The following SUPT20H variants were observed in gnomAD, a reference collection of about 807,000 sequenced individuals.
The protein encoded by SUPT20H is transcription factor SPT20 homolog.
A neutral mutation model predicts 122.8 loss-of-function variants in SUPT20H; 82 were observed. The observed-to-expected ratio is 0.67, with a 90% CI of 0.56 to 0.80. The LOEUF (loss-of-function observed/expected upper bound fraction) is 0.80, where lower values mean the gene tolerates loss of function less well. SUPT20H is among the 30% of genes least tolerant of loss of function. The probability of loss-of-function intolerance (pLI) is 0.00; values close to 1 mark genes in which losing one functional copy is unlikely to be tolerated. For missense variants in SUPT20H, 831 were observed against 921.6 expected, an observed-to-expected ratio of 0.90 and a Z score of 1.27; for synonymous variants, 291 against 313.0, an observed-to-expected ratio of 0.93 and a Z score of 0.74.
chr13:37,050,487 C>G (rs982020430), intron 2 of SUPT20H, among the ~76,000 whole-genome samples: 1 of 151,904 alleles, frequency 6.6e-6, no homozygotes, highest in Non-Finnish European at 1.5e-5. Flanking sequence ...TACATATACA[C>G]TTCACAAATA....
intron 21 of SUPT20H, among the ~76,000 whole-genome samples, chr13:37,020,624 A>T (rs889491226): frequency 6.6e-6 from 1 of 152,206 alleles, no homozygotes. Context: ...TGCTTATTAA[A>T]ATAAGAACAC....
In SUPT20H at chr13:37,031,925, G is replaced by A. The variant is rs192256326; in HGVS notation, c.708-30C>T. 77 of 1,542,170 alleles carry A rather than the reference G, an allele frequency of 5.0e-5. No individual in the cohort carries two copies. The African/African-American group carries it at 1.1e-3, about 21-fold the overall frequency. The stretch of plus-strand genomic sequence containing the variant: ...AATATTAAGAAATTTGAACTAAACG[G>A]CACTAATAAAAGAAACTCATAATAT... On this transcript the variant is annotated intron_variant, in intron 10 of 25. Transcript: ENST00000350612.
intron 10 of SUPT20H, 95 bp from the exon 11 acceptor site, chr13:37,031,990 C>T (rs897238386): frequency 1.3e-5 from 15 of 1,157,462 alleles, no homozygotes; most frequent in African/African-American, 6.4e-5. Context: ...ATGTACAAAT[C>T]GTGTTTATAG....
At chr13:37,019,264 G>A (rs912211876) in intron 22 of SUPT20H, 78 bp downstream of exon 22, 2 of 1,053,510 alleles carry the variant, frequency 1.9e-6, no homozygotes, top group Admixed American at 2.5e-5. Context: ...TTCAAGTGCT[G>A]ATACATATAG....
Position 37,042,510 on chromosome 13 carries a change from C to T in SUPT20H, c.396+1568G>A, listed in dbSNP as rs538592499. Among the ~76,000 whole-genome samples, 11 of 152,020 alleles carry T rather than the reference C, an allele frequency of 7.2e-5. No homozygotes were observed. The South Asian group carries it at 2.1e-3, about 29-fold the overall frequency. Reference sequence around the variant, plus strand: ...GAACAGGGATTATAGTAAAAAAGACCGAAGGATTAGAGAAAGCAGAGGAAA... The same window carrying T: ...GAACAGGGATTATAGTAAAAAAGACTGAAGGATTAGAGAAAGCAGAGGAAA... On this transcript the variant is annotated intron_variant, in intron 7 of 25. Transcript: ENST00000350612.
rs2059294449 is a variant in SUPT20H, at chr13:37,009,919, G to A, written c.2203-110C>T. 8 of 1,455,532 alleles carry A rather than the reference G, an allele frequency of 5.5e-6. No homozygotes were observed. In the Admixed American group the frequency reaches 1.8e-4, roughly 33 times the overall value. The allele number at this position is 1,455,532 out of a possible 1,614,324, so 90.2% of individuals were successfully genotyped here. ...AACTGAAAAAGGGAGAAAGCACCAAGATAACAAAAAGGGACTATACCACAT... is the reference window on the plus strand; with the variant it reads ...AACTGAAAAAGGGAGAAAGCACCAAAATAACAAAAAGGGACTATACCACAT... On this transcript the variant is annotated intron_variant, in intron 25 of 25. Transcript: ENST00000350612.
intron 23 of SUPT20H, 141 bp from the exon 24 acceptor site, chr13:37,012,438 A>C (rs995963874): frequency 3.6e-6 from 2 of 554,724 alleles, no homozygotes; most frequent in South Asian, 5.6e-5. Flanking sequence ...AAAATACTTC[A>C]AAGGTATTTA....
chr13:37,051,472 C>G lies in SUPT20H; in HGVS notation c.3+16G>C, dbSNP rs747914653. 9 of 1,608,422 alleles carry G rather than the reference C, an allele frequency of 5.6e-6. No homozygotes were observed. The East Asian group carries it at 2.0e-4, about 36-fold the overall frequency. ...ATTCTAAAACACAAATTTGAACATA[C>G]TGAGCTGAAGCTTACCATTATGGCA... is the stretch of plus-strand genomic sequence containing the variant. On this transcript the variant is annotated intron_variant, in intron 2 of 25. Coordinates refer to ENST00000350612, the MANE Select transcript of SUPT20H (RefSeq NM_001014286.3).
chr13:37,057,294 C>CAAAAAAAAA (rs879863892), intron 1 of SUPT20H, among the ~76,000 whole-genome samples: 1 of 137,188 alleles, frequency 7.3e-6, no homozygotes. Flanking sequence ...GACCCTGTCT[C>CAAAAAAAAA]AAAAAAAAAA....
chr13:37,026,256 A>G lies in SUPT20H; in HGVS notation c.1179-20T>C. On this transcript the variant is annotated intron_variant, in intron 15 of 25. Coordinates refer to ENST00000350612, the MANE Select transcript of SUPT20H (RefSeq NM_001014286.3). ...ATGAACCTAAAATGTTTAAGGAAAA[A>G]AAAGGAGAGAAAAGTATTAGGTAAG... is the stretch of plus-strand genomic sequence containing the variant. The G allele has an allele frequency of 6.8e-7, 1 of 1,472,012 alleles. No individual in the cohort carries two copies. Among genetic ancestry groups the G allele is most frequent in the Non-Finnish European group, 9.0e-7 (1 of 1,112,842 alleles). 91.2% of individuals were successfully genotyped at this position (1,472,012 alleles called of 1,614,324 possible).
chr13:37,042,446 G>A (rs556246869), intron 7 of SUPT20H, among the ~76,000 whole-genome samples: 7 of 152,142 alleles, frequency 4.6e-5, no homozygotes, highest in African/African-American at 9.7e-5. Context: ...AAAACAGAGA[G>A]CCAAGGACTG....
At chr13:37,057,673 TCTACAAAAAAATAC>T (rs2139561054) in intron 1 of SUPT20H, among the ~76,000 whole-genome samples, 1 of 151,690 alleles carries the variant, frequency 6.6e-6, no homozygotes, top group South Asian at 2.1e-4. Flanking sequence ...GGAAAGTGTC[TCTACAAAAAAATAC>T]AGAAGGCCGG....
At position 37,028,149 on chromosome 13, in the gene SUPT20H, G is replaced by C. The variant is rs764131619; in HGVS notation, c.1150C>G (p.His384Asp). The stretch of plus-strand genomic sequence containing the variant: ...TTACTTGTATTTAACAGAACTCACT[G>C]TGATGGAGACATCTGGCTGTCACTT... ...EESDSQMSPS[H>D]SSTDDHSNWF... Residue 384 changes from histidine (H) to aspartate (D), a missense_variant and splice_region_variant, in exon 14 of 26, where the codon CAC becomes GAC. By Grantham distance (81) the His-to-Asp change is moderately conservative. Transcript: ENST00000350612. The C allele has an allele frequency of 1.3e-6, 2 of 1,598,402 alleles. No homozygotes were observed. The highest frequency in any genetic ancestry group is 2.7e-5 in the African/African-American group (2 of 73,680).
intron 14 of SUPT20H, 138 bp from the exon 15 acceptor site, chr13:37,026,954 T>A: frequency 1.8e-6 from 1 of 545,432 alleles, no homozygotes; most frequent in Non-Finnish European, 2.9e-6. Flanking sequence ...GATGCAAAGG[T>A]AAAAAATTCA....
At chr13:37,029,086 C>T (rs1018398947) in intron 13 of SUPT20H, among the ~76,000 whole-genome samples, 1 of 152,128 alleles carries the variant, frequency 6.6e-6, no homozygotes, top group African/African-American at 2.4e-5. Context: ...CTATTCCTCT[C>T]TTTTTAAGAC....
chr13:37,029,705 A>C, intron 13 of SUPT20H, 60 bp downstream of exon 13: 1 of 1,467,468 alleles, frequency 6.8e-7, no homozygotes, highest in Non-Finnish European at 9.4e-7. Flanking sequence ...TGTTTAATAA[A>C]TTCAGAGGCC....
chr13:37,037,659 G>T (rs2064736404), intron 9 of SUPT20H, among the ~76,000 whole-genome samples: 1 of 152,126 alleles, frequency 6.6e-6, no homozygotes, highest in African/African-American at 2.4e-5. Flanking sequence ...TAACTGTGAA[G>T]TAACAGTCCT....
chr13:37,024,727 G>C (rs572375015), intron 17 of SUPT20H: 3 of 213,530 alleles, frequency 1.4e-5, no homozygotes, highest in African/African-American at 6.9e-5. Flanking sequence ...GAGAAAGGCA[G>C]AGGAGTAAGA....
chr13:37,038,656 C>T (rs2064936038), intron 9 of SUPT20H: 1 of 152,188 alleles, frequency 6.6e-6, no homozygotes. Context: ...AGTCAGGCAA[C>T]TGAACACTTT....
Sources: allele counts gnomAD v4.1 joint callset (sites outside exome capture counted in the v4.1 genomes callset), GRCh38; gene constraint gnomAD v4.1.1; transcripts MANE v1.5; gene names NCBI Gene and HGNC (gene_info 2026-07-23, HGNC 2026-07-21).